The following PTPRO variants were observed in gnomAD, a reference collection of about 807,000 sequenced individuals.
The protein encoded by PTPRO is receptor-type tyrosine-protein phosphatase O.
PTPRO carries 62 observed loss-of-function variants against 145.2 expected under a neutral mutation model. The observed-to-expected ratio is 0.43, with a 90% CI of 0.35 to 0.53. The LOEUF (loss-of-function observed/expected upper bound fraction) is 0.53. Ranked by LOEUF, PTPRO falls within the 20% of genes least tolerant of loss-of-function variation. PTPRO has a pLI of 0.01. For synonymous variants in PTPRO, 565 were observed against 514.7 expected (o/e 1.10, Z -1.32); for missense variants, 1,345 against 1,482.7 (o/e 0.91, Z 1.53).
intron 3 of PTPRO, among the ~76,000 whole-genome samples, chr12:15,498,493 G>A (rs1942153247): frequency 6.6e-6 from 1 of 152,156 alleles, no homozygotes; most frequent in African/African-American, 2.4e-5. Context: ...AGGAGGCAGA[G>A]GTTGCAGTGA....
rs765202852 is a variant in PTPRO at position 15,526,269 on chromosome 12, A to G, written c.2164+7A>G. The G allele has an allele frequency of 6.2e-7, 1 of 1,613,796 alleles. No homozygotes were observed. The highest frequency in any genetic ancestry group is 8.5e-7 in the Non-Finnish European group (1 of 1,179,782). On this transcript the variant is annotated splice_region_variant and intron_variant, in intron 12 of 26. Coordinates refer to ENST00000281171, the MANE Select transcript of PTPRO (RefSeq NM_030667.3). ...CTCCGCCTTGTCAAGCTAGGTAAGAAGAGTGCACAGAGATGGGTGTGAAAT... is the reference window on the plus strand; with the variant it reads ...CTCCGCCTTGTCAAGCTAGGTAAGAGGAGTGCACAGAGATGGGTGTGAAAT...
At chr12:15,335,110 A>C (rs1866718235) in intron 1 of PTPRO, among the ~76,000 whole-genome samples, 1 of 152,250 alleles carries the variant, frequency 6.6e-6, no homozygotes, top group South Asian at 2.1e-4. Flanking sequence ...AAGTGTAATT[A>C]TAAAAATTGA....
intron 1 of PTPRO, among the ~76,000 whole-genome samples, chr12:15,356,586 C>G (rs980987976): frequency 5.3e-5 from 8 of 152,062 alleles, no homozygotes; most frequent in Non-Finnish European, 1.0e-4. Flanking sequence ...GGACATTGTT[C>G]TCTTCTTCTT....
chr12:15,555,220 G>A (rs1472136628), intron 15 of PTPRO, among the ~76,000 whole-genome samples: 3 of 151,946 alleles, frequency 2.0e-5, no homozygotes, highest in East Asian at 1.9e-4. Flanking sequence ...CCTGGGCGAC[G>A]ACTGAGTGAA....
chr12:15,585,389 C>A (rs774435219), intron 23 of PTPRO, among the ~76,000 whole-genome samples: 3 of 152,088 alleles, frequency 2.0e-5, no homozygotes, highest in Non-Finnish European at 4.4e-5. Context: ...GGGTAGCCAG[C>A]GTCTTTGTAG....
chr12:15,435,382 A>G (rs1023285665), intron 1 of PTPRO, among the ~76,000 whole-genome samples: 10 of 152,208 alleles, frequency 6.6e-5, no homozygotes, highest in Admixed American at 6.5e-4. Flanking sequence ...AACTGACATG[A>G]TATCAGTCAT....
intron 12 of PTPRO, among the ~76,000 whole-genome samples, chr12:15,532,495 A>G (rs1942982370): frequency 6.6e-6 from 1 of 152,096 alleles, no homozygotes; most frequent in Non-Finnish European, 1.5e-5. Flanking sequence ...AGCATTTCTA[A>G]GTCCTGACCA....
chr12:15,337,749 C>G (rs539013126), intron 1 of PTPRO, among the ~76,000 whole-genome samples: 7 of 152,102 alleles, frequency 4.6e-5, no homozygotes, highest in Non-Finnish European at 7.4e-5. Flanking sequence ...AAGGAATGAA[C>G]CATTGATACA....
At chr12:15,479,184 G>A (rs1322153299) in intron 1 of PTPRO, among the ~76,000 whole-genome samples, 4 of 152,076 alleles carry the variant, frequency 2.6e-5, no homozygotes, top group Admixed American at 2.0e-4. Flanking sequence ...TACCTTAACC[G>A]TCAGATACTA....
Position 15,515,478 on chromosome 12 carries a change from A to T in PTPRO, c.1465-20A>T, listed in dbSNP as rs764627972. On this transcript the variant is annotated intron_variant, in intron 7 of 26. Transcript: ENST00000281171. The stretch of plus-strand genomic sequence containing the variant: ...GAAATCCCAGCTCTAAATAAATCTT[A>T]TTGGGTGTTTGGTTTAAAGGTGAAC... The T allele has an allele frequency of 1.9e-6, 3 of 1,613,272 alleles. No homozygotes were observed. In the South Asian group the frequency reaches 3.3e-5, roughly 18 times the overall value.
intron 1 of PTPRO, among the ~76,000 whole-genome samples, chr12:15,462,932 C>T (rs1941338090): frequency 6.6e-6 from 1 of 152,064 alleles, no homozygotes. Flanking sequence ...ACAAATGCAT[C>T]AGGTTAATAG....
At chr12:15,590,107 C>A (rs1434513094) in intron 25 of PTPRO, among the ~76,000 whole-genome samples, 1 of 152,196 alleles carries the variant, frequency 6.6e-6, no homozygotes, top group South Asian at 2.1e-4. Flanking sequence ...TGCCAGTTCC[C>A]TTCATCTCAA....
At chr12:15,488,715 C>T (rs1198814991) in intron 2 of PTPRO, among the ~76,000 whole-genome samples, 2 of 152,218 alleles carry the variant, frequency 1.3e-5, no homozygotes, top group African/African-American at 2.4e-5. Context: ...GAGTCTGTCA[C>T]TCTTAGAGAA....
chr12:15,549,105 T>C lies in PTPRO; in HGVS notation c.2316T>C (p.Ala772=), dbSNP rs1943381878. The change falls in exon 14 of 27, where the codon GCT becomes GCC. Residue 772 remains alanine (A), a synonymous_variant. Coordinates refer to ENST00000281171, the MANE Select transcript of PTPRO (RefSeq NM_030667.3). ...SQKTKLQEPV[A]VSSHVVTISS... is the part of the protein sequence containing the mutation. ...TTCTGAAACCCCAGGAACCAGTTGC[T>C]GTTTCTTCCCATGTCGTGACCATCT... 6.2e-7 allele frequency: 1 copy of C among 1,613,592 alleles called. No homozygotes were observed. The highest frequency in any genetic ancestry group is 1.1e-5 in the South Asian group (1 of 91,052).
intron 19 of PTPRO, among the ~76,000 whole-genome samples, chr12:15,578,546 G>T (rs756138088): frequency 2.0e-5 from 3 of 152,210 alleles, no homozygotes; most frequent in South Asian, 2.1e-4. Flanking sequence ...AGTCAGGTCT[G>T]CCCTATGTGC....
intron 1 of PTPRO, among the ~76,000 whole-genome samples, chr12:15,342,986 C>T (rs1301013544): frequency 1.3e-5 from 2 of 152,114 alleles, no homozygotes; most frequent in Non-Finnish European, 2.9e-5. Flanking sequence ...AAGCTGGGAT[C>T]TCCACTCCCG....
intron 11 of PTPRO, among the ~76,000 whole-genome samples, chr12:15,525,785 G>T: frequency 6.6e-6 from 1 of 152,178 alleles, no homozygotes; most frequent in Non-Finnish European, 1.5e-5. Context: ...ACAGATATGG[G>T]TAGGTTTCTT....
At chr12:15,560,875 T>TC (rs1943755728) in intron 17 of PTPRO, among the ~76,000 whole-genome samples, 1 of 152,126 alleles carries the variant, frequency 6.6e-6, no homozygotes, top group South Asian at 2.1e-4. Flanking sequence ...ATGTACAGAA[T>TC]CCAGGTTCCA....
intron 1 of PTPRO, among the ~76,000 whole-genome samples, chr12:15,451,394 G>C (rs1317321886): frequency 6.6e-6 from 1 of 152,068 alleles, no homozygotes; most frequent in Non-Finnish European, 1.5e-5. Flanking sequence ...CATAATAATG[G>C]TGGGAGACTT....
Sources: allele counts gnomAD v4.1 joint callset (sites outside exome capture counted in the v4.1 genomes callset), GRCh38; gene constraint gnomAD v4.1.1; transcripts MANE v1.5; gene names NCBI Gene and HGNC (gene_info 2026-07-23, HGNC 2026-07-21).